GPC5: variants seen among roughly 807,000 people sequenced by gnomAD.
GPC5 encodes the protein glypican 5, also known as glypican-5.
Under a neutral mutation model 53.9 loss-of-function variants are expected in GPC5, and 47 were observed. The observed-to-expected ratio is 0.87, with a 90% CI of 0.69 to 1.11. The LOEUF is 1.11. Among genes scored for constraint, GPC5 ranks in the 50% most tolerant of loss-of-function variants. The pLI is 0.00. For missense variants in GPC5, 748 were observed against 713.1 expected (o/e 1.05, Z -0.56); for synonymous variants, 286 against 263.3 (o/e 1.09, Z -0.84).
At chr13:92,047,226 T>C (rs11842017) in intron 6 of GPC5, among the ~76,000 whole-genome samples, 3,494 of 152,240 alleles carry the variant, frequency 0.023, 150 homozygotes, top group African/African-American at 0.08. Flanking sequence ...AGATCATCCC[T>C]GATCATTTTT....
intron 7 of GPC5, among the ~76,000 whole-genome samples, chr13:92,419,226 G>A (rs375585929): frequency 6.6e-6 from 1 of 152,042 alleles, no homozygotes; most frequent in Non-Finnish European, 1.5e-5. Context: ...ATGACAATGA[G>A]ACAGAAGCTG....
chr13:91,700,518 C>A (rs1474118135), intron 3 of GPC5, among the ~76,000 whole-genome samples: 2 of 152,174 alleles, frequency 1.3e-5, no homozygotes, highest in Non-Finnish European at 2.9e-5. Context: ...AGTGGTCCAT[C>A]ACGTTTGTGG....
intron 7 of GPC5, among the ~76,000 whole-genome samples, chr13:92,301,070 G>C (rs1283383991): frequency 6.6e-6 from 1 of 152,092 alleles, no homozygotes; most frequent in African/African-American, 2.4e-5. Context: ...ATGTAAAAAA[G>C]GAGAAAGTAC....
chr13:92,223,874 C>G (rs572391251), intron 7 of GPC5, among the ~76,000 whole-genome samples: 1 of 152,010 alleles, frequency 6.6e-6, no homozygotes, highest in South Asian at 2.1e-4. Context: ...TTGGCCTTAC[C>G]GCTGAGAAGC....
chr13:91,523,491 A>G (rs1885935840), intron 2 of GPC5, among the ~76,000 whole-genome samples: 2 of 152,238 alleles, frequency 1.3e-5, no homozygotes, highest in South Asian at 4.1e-4. Context: ...CAAATACTGC[A>G]TGATCTCACT....
chr13:91,442,648 T>G (rs563248495), intron 1 of GPC5, among the ~76,000 whole-genome samples: 1 of 152,342 alleles, frequency 6.6e-6, no homozygotes, highest in Admixed American at 6.5e-5. Flanking sequence ...AAAATGTTCC[T>G]TAGTGCTTTG....
At chr13:92,361,274 G>A (rs1042730805) in intron 7 of GPC5, among the ~76,000 whole-genome samples, 1 of 151,652 alleles carries the variant, frequency 6.6e-6, no homozygotes, top group African/African-American at 2.4e-5. Flanking sequence ...GGTCGGGTTG[G>A]GGGGACCTGT....
intron 6 of GPC5, among the ~76,000 whole-genome samples, chr13:92,031,333 G>A (rs2040839793): frequency 6.6e-6 from 1 of 152,016 alleles, no homozygotes; most frequent in Non-Finnish European, 1.5e-5. Context: ...CCAGACTGGA[G>A]GTCACAAAGG....
intron 6 of GPC5, among the ~76,000 whole-genome samples, chr13:92,061,642 T>C (rs1016854693): frequency 6.6e-6 from 1 of 152,052 alleles, no homozygotes; most frequent in African/African-American, 2.4e-5. Context: ...AATTTACTCA[T>C]GGGCATGCAG....
intron 7 of GPC5, among the ~76,000 whole-genome samples, chr13:92,475,819 C>T (rs1225371168): frequency 2.6e-5 from 4 of 151,980 alleles, no homozygotes; most frequent in Admixed American, 2.6e-4. Flanking sequence ...ATAAATGGTG[C>T]TGGGAAAACT....
At chr13:92,335,221 ATCTTG>A in intron 7 of GPC5, among the ~76,000 whole-genome samples, 1 of 150,006 alleles carries the variant, frequency 6.7e-6, no homozygotes, top group East Asian at 2.0e-4. Context: ...CAAACCTCAA[ATCTTG>A]TCATCTGTAT....
intron 7 of GPC5, among the ~76,000 whole-genome samples, chr13:92,576,686 AATACCATCC>A (rs1220465566): frequency 6.6e-6 from 1 of 152,206 alleles, no homozygotes; most frequent in African/African-American, 2.4e-5. Flanking sequence ...GATATCAGAA[AATACCATCC>A]ATCCCTTAAC....
At chr13:91,879,821 A>T (rs1249730894) in intron 5 of GPC5, among the ~76,000 whole-genome samples, 1 of 152,176 alleles carries the variant, frequency 6.6e-6, no homozygotes, top group Non-Finnish European at 1.5e-5. Flanking sequence ...CTGGTATTAA[A>T]TCTTTCTATG....
chr13:91,407,216 A>T (rs919852707), intron 1 of GPC5, among the ~76,000 whole-genome samples: 1 of 152,168 alleles, frequency 6.6e-6, no homozygotes, highest in Non-Finnish European at 1.5e-5. Flanking sequence ...TTTGTGTTGA[A>T]TGAATTGTTT....
intron 5 of GPC5, among the ~76,000 whole-genome samples, chr13:91,787,941 A>G (rs2037904078): frequency 6.6e-6 from 1 of 152,202 alleles, no homozygotes; most frequent in Non-Finnish European, 1.5e-5. Context: ...TATGCATGAA[A>G]GAAACACTGA....
At chr13:91,867,959 A>C (rs913254779) in intron 5 of GPC5, among the ~76,000 whole-genome samples, 1 of 152,022 alleles carries the variant, frequency 6.6e-6, no homozygotes, top group African/African-American at 2.4e-5. Flanking sequence ...TCTGAGTGTG[A>C]TTATCAGTAA....
At chr13:92,702,068 G>C (rs1475838198) in intron 7 of GPC5, among the ~76,000 whole-genome samples, 1 of 152,118 alleles carries the variant, frequency 6.6e-6, no homozygotes, top group East Asian at 1.9e-4. Flanking sequence ...GAACTGAATG[G>C]AAGGGAGAGT....
rs937575732 is a variant in GPC5, at chr13:91,610,828, T to C, written c.326-82359T>C. ...CCGAAAGTGGGCAAAGGTTGTTATG[T>C]TAGACATGTTCTTGCCAGTAGAGAG... On this transcript the variant is annotated intron_variant, in intron 2 of 7. Transcript: ENST00000377067. 2.6e-5 allele frequency among the ~76,000 whole-genome samples: 4 copies of C among 152,210 alleles called. No homozygotes were observed. The East Asian group carries it at 7.7e-4, about 29-fold the overall frequency.
At chr13:91,849,887 G>T (rs1386057147) in intron 5 of GPC5, among the ~76,000 whole-genome samples, 6 of 144,986 alleles carry the variant, frequency 4.1e-5, no homozygotes, top group Non-Finnish European at 6.0e-5. Context: ...ATGGGACTAA[G>T]AAATAATTCA....
Sources: allele counts gnomAD v4.1 joint callset (sites outside exome capture counted in the v4.1 genomes callset), GRCh38; gene constraint gnomAD v4.1.1; transcripts MANE v1.5; gene names NCBI Gene and HGNC (gene_info 2026-07-23, HGNC 2026-07-21).